Variants in XPR1 observed in about 807,000 individuals in gnomAD.
XPR1 encodes the protein xenotropic and polytropic retrovirus receptor 1, also known as solute carrier family 53 member 1.
A neutral mutation model predicts 87.5 loss-of-function variants in XPR1; 28 were observed. The ratio of observed to expected loss-of-function variants is 0.32; its 90% CI spans 0.24 to 0.44. The LOEUF is 0.44. XPR1 is among the 20% of genes least tolerant of loss of function. The pLI, the probability that XPR1 is intolerant of heterozygous loss-of-function variation, is 1.00. For synonymous variants in XPR1, 300 were observed against 306.1 expected, an observed-to-expected ratio of 0.98 and a Z score of 0.21; for missense variants, 559 against 862.3, an observed-to-expected ratio of 0.65 and a Z score of 4.41.
chr1:180,641,916 G>T (rs1422872404), intron 1 of XPR1, among the ~76,000 whole-genome samples: 1 of 152,084 alleles, frequency 6.6e-6, no homozygotes, highest in East Asian at 1.9e-4. Context: ...TAAGAATGAA[G>T]TTTCTTTGTA....
chr1:180,804,132 C>T (rs1489554917), intron 4 of XPR1, among the ~76,000 whole-genome samples: 1 of 152,072 alleles, frequency 6.6e-6, no homozygotes, highest in East Asian at 1.9e-4. Flanking sequence ...ATTACAGGCG[C>T]ACGCCACCAT....
intron 6 of XPR1, among the ~76,000 whole-genome samples, chr1:180,809,107 A>C (rs1160261132): frequency 6.6e-6 from 1 of 152,224 alleles, no homozygotes; most frequent in Non-Finnish European, 1.5e-5. Flanking sequence ...GATAAATGTA[A>C]CAATGTGGAT....
At chr1:180,786,626 C>T (rs1353692781) in intron 2 of XPR1, among the ~76,000 whole-genome samples, 1 of 152,136 alleles carries the variant, frequency 6.6e-6, no homozygotes, top group Non-Finnish European at 1.5e-5. Flanking sequence ...TGTGACAGAA[C>T]TGAGAAAGTG....
At chr1:180,836,013 G>T (rs1284338439) in intron 10 of XPR1, among the ~76,000 whole-genome samples, 3 of 152,030 alleles carry the variant, frequency 2.0e-5, no homozygotes, top group African/African-American at 7.2e-5. Flanking sequence ...TTCCCCACTA[G>T]TTCCCCCACA....
chr1:180,876,132 A>AG (rs1043003989), intron 13 of XPR1, among the ~76,000 whole-genome samples: 1 of 152,210 alleles, frequency 6.6e-6, no homozygotes, highest in Non-Finnish European at 1.5e-5. Flanking sequence ...AGAAAAAAAA[A>AG]GAGCATAAAA....
intron 14 of XPR1, 60 bp from the exon 15 acceptor site, chr1:180,883,946 T>C: frequency 6.8e-7 from 1 of 1,475,032 alleles, no homozygotes; most frequent in South Asian, 1.1e-5. Context: ...TCTAATACTG[T>C]GAAAGTGTTT....
chr1:180,772,692 A>C (rs1053019207), intron 2 of XPR1, among the ~76,000 whole-genome samples: 1 of 152,214 alleles, frequency 6.6e-6, no homozygotes, highest in African/African-American at 2.4e-5. Flanking sequence ...TGGTTTTAAA[A>C]AACAGAGTTT....
intron 3 of XPR1, among the ~76,000 whole-genome samples, chr1:180,802,259 G>T (rs773074363): frequency 1.3e-5 from 2 of 151,978 alleles, no homozygotes; most frequent in Non-Finnish European, 1.5e-5. Context: ...ACCCAAATCT[G>T]CCTGGTTCCA....
intron 2 of XPR1, among the ~76,000 whole-genome samples, chr1:180,696,208 G>A (rs12116878): frequency 0.3 from 25,618 of 85,780 alleles, 3,865 homozygotes; most frequent in Non-Finnish European, 0.32. Flanking sequence ...GTGTGTGTGT[G>A]TATATATATA....
intron 2 of XPR1, among the ~76,000 whole-genome samples, chr1:180,711,456 A>G (rs530112468): frequency 6.6e-6 from 1 of 152,326 alleles, no homozygotes; most frequent in South Asian, 2.1e-4. Context: ...CACCAAAAAA[A>G]TACGAAAACC....
At chr1:180,661,045 A>G (rs1232531120) in intron 1 of XPR1, among the ~76,000 whole-genome samples, 22 of 152,182 alleles carry the variant, frequency 1.4e-4, no homozygotes, top group Admixed American at 1.4e-3. Flanking sequence ...TCATGCATAT[A>G]TATTTATAAT....
chr1:180,812,916 G>A (rs1650271912), intron 7 of XPR1, among the ~76,000 whole-genome samples: 1 of 151,848 alleles, frequency 6.6e-6, no homozygotes, highest in Non-Finnish European at 1.5e-5. Flanking sequence ...CCAAAGTGCT[G>A]GGGTTTACAG....
chr1:180,710,145 G>A (rs939573668), intron 2 of XPR1, among the ~76,000 whole-genome samples: 13 of 150,606 alleles, frequency 8.6e-5, no homozygotes, highest in South Asian at 4.2e-4. Context: ...CCCCGTCTTC[G>A]CCTCCCAAAG....
chr1:180,666,698 T>C (rs1373464639), intron 1 of XPR1, among the ~76,000 whole-genome samples: 1 of 152,244 alleles, frequency 6.6e-6, no homozygotes, highest in Non-Finnish European at 1.5e-5. Context: ...GCTACTTTGC[T>C]GAATTCATTG....
chr1:180,759,029 C>A (rs1647877672), intron 2 of XPR1, among the ~76,000 whole-genome samples: 1 of 152,024 alleles, frequency 6.6e-6, no homozygotes, highest in Non-Finnish European at 1.5e-5. Flanking sequence ...GGGTACATAA[C>A]AAAATGAAGG....
intron 1 of XPR1, among the ~76,000 whole-genome samples, chr1:180,664,416 T>C (rs1655890903): frequency 6.6e-6 from 1 of 152,012 alleles, no homozygotes; most frequent in South Asian, 2.1e-4. Flanking sequence ...AGGTCAAGGG[T>C]GTGTCTAGAA....
At chr1:180,747,109 C>G (rs576942914) in intron 2 of XPR1, among the ~76,000 whole-genome samples, 1 of 152,232 alleles carries the variant, frequency 6.6e-6, no homozygotes, top group East Asian at 1.9e-4. Context: ...CATATTCCCC[C>G]TCTTAACATC....
chr1:180,886,534 A>G lies in XPR1; in HGVS notation c.*2468A>G, dbSNP rs1653017265. ...CCTAATCGGTCTTATTCTTTCACAT[A>G]TGATGCAATGATAGATGTAATCCTT... On this transcript the variant is annotated 3_prime_UTR_variant, in exon 15 of 15. Transcript: ENST00000367590. The G allele has an allele frequency of 2.0e-5, 3 of 152,188 alleles. No homozygotes were observed. The highest frequency in any genetic ancestry group is 6.5e-5 in the Admixed American group (1 of 15,282). The allele number at this position is 152,188 out of a possible 1,614,324, so 9.4% of individuals were successfully genotyped here. A position where few individuals can be genotyped will look rare whatever the true frequency, so the allele number is the denominator to read the frequency against.
rs1236114923 is a variant in XPR1 at position 180,889,629 on chromosome 1, ACATTT to A, written c.*5566_*5570del. On this transcript the variant is annotated 3_prime_UTR_variant, in exon 15 of 15. Transcript: ENST00000367590. ...TGAATTGTAAAATTGTGAGCCACTC[ACATTT>A]CAATTACAAAAAGAACAGAACTCTT... 1 of 152,270 alleles carries A rather than the reference ACATTT, an allele frequency of 6.6e-6. No homozygotes were observed. The highest frequency in any genetic ancestry group is 1.5e-5 in the Non-Finnish European group (1 of 68,046). The allele number at this position is 152,270 out of a possible 1,614,324, so 9.4% of individuals were successfully genotyped here.
Sources: allele counts gnomAD v4.1 joint callset (sites outside exome capture counted in the v4.1 genomes callset), GRCh38; gene constraint gnomAD v4.1.1; transcripts MANE v1.5; gene names NCBI Gene and HGNC (gene_info 2026-07-23, HGNC 2026-07-21).